The following WDR7 variants were observed in gnomAD, a reference collection of about 807,000 sequenced individuals.
WDR7 encodes WD repeat-containing protein 7.
A neutral mutation model predicts 169.4 loss-of-function variants in WDR7; 46 were observed. That is an observed-to-expected ratio of 0.27 (90% CI 0.21 to 0.35). The LOEUF is 0.35. Among genes scored for constraint, WDR7 ranks in the 10% least tolerant of loss-of-function variants. WDR7 has a pLI of 1.00. For missense variants in WDR7, 1,534 were observed against 1,859.3 expected (o/e 0.83, Z 3.22); for synonymous variants, 612 against 666.8 (o/e 0.92, Z 1.27).
chr18:56,985,096 A>G (rs2047695548), intron 26 of WDR7, among the ~76,000 whole-genome samples: 1 of 152,172 alleles, frequency 6.6e-6, no homozygotes, highest in South Asian at 2.1e-4. Flanking sequence ...ATTCAGCCTT[A>G]GAACACCACA....
intron 26 of WDR7, among the ~76,000 whole-genome samples, chr18:57,000,674 G>A (rs1300936842): frequency 6.6e-6 from 1 of 152,128 alleles, no homozygotes; most frequent in African/African-American, 2.4e-5. Context: ...CACACAGGAA[G>A]TGCATGATTG....
At chr18:56,923,493 G>A (rs748095654) in intron 21 of WDR7, among the ~76,000 whole-genome samples, 3 of 152,084 alleles carry the variant, frequency 2.0e-5, no homozygotes, top group East Asian at 1.9e-4. Flanking sequence ...ATTGCAACGC[G>A]CCTGTAATGA....
chr18:56,707,884 C>G (rs1345778698), intron 12 of WDR7, among the ~76,000 whole-genome samples: 7 of 152,144 alleles, frequency 4.6e-5, no homozygotes, highest in Non-Finnish European at 8.8e-5. Flanking sequence ...TGTTAATTTA[C>G]TGCCAGGAAA....
chr18:56,778,571 T>A (rs1195697489), intron 17 of WDR7, among the ~76,000 whole-genome samples: 3 of 152,198 alleles, frequency 2.0e-5, no homozygotes, highest in Non-Finnish European at 4.4e-5. Flanking sequence ...ATGTCTGTTA[T>A]CTAATACTTC....
chr18:56,675,069 C>T (rs1210926203), intron 2 of WDR7, among the ~76,000 whole-genome samples: 1 of 152,162 alleles, frequency 6.6e-6, no homozygotes, highest in Admixed American at 6.6e-5. Context: ...TGTCTATACT[C>T]GCTGTCCTAA....
intron 27 of WDR7, 123 bp downstream of exon 27, chr18:57,020,972 C>A: frequency 1.3e-6 from 1 of 796,626 alleles, no homozygotes; most frequent in Non-Finnish European, 2.1e-6. Context: ...TTGCAGCAAA[C>A]ATCCAGTCTG....
At chr18:56,727,321 A>G (rs2026480638) in intron 13 of WDR7, among the ~76,000 whole-genome samples, 1 of 151,726 alleles carries the variant, frequency 6.6e-6, no homozygotes, top group Admixed American at 6.5e-5. Flanking sequence ...ATATTTTTAA[A>G]AACAGGTTTA....
chr18:56,687,227 G>A (rs1244187201), intron 7 of WDR7, among the ~76,000 whole-genome samples: 2 of 152,084 alleles, frequency 1.3e-5, no homozygotes, highest in Non-Finnish European at 2.9e-5. Context: ...TTTTGCTACT[G>A]TTTTAGTCAC....
At chr18:56,840,068 A>T (rs1423331554) in intron 20 of WDR7, among the ~76,000 whole-genome samples, 1 of 152,098 alleles carries the variant, frequency 6.6e-6, no homozygotes, top group Non-Finnish European at 1.5e-5. Context: ...TCTCAAAAAC[A>T]AAACAAAACA....
chr18:56,669,608 G>A (rs1296714950), intron 1 of WDR7, among the ~76,000 whole-genome samples: 1 of 151,972 alleles, frequency 6.6e-6, no homozygotes, highest in East Asian at 1.9e-4. Context: ...AGATCTGAAA[G>A]ATAGCATATG....
chr18:56,757,968 CA>C lies in WDR7; in HGVS notation c.2759+629del, dbSNP rs11423337. 7.1e-3 allele frequency among the ~76,000 whole-genome samples: 982 copies of C among 139,274 alleles called. 1 individual carries two copies. The highest frequency in any genetic ancestry group is 9.7e-3 in the Non-Finnish European group (617 of 63,622). 91.4% of individuals were successfully genotyped at this position (139,274 alleles called of 152,430 possible). On this transcript the variant is annotated intron_variant, in intron 15 of 27. Coordinates refer to ENST00000254442, the MANE Select transcript of WDR7 (RefSeq NM_015285.3). Reference sequence around the variant, plus strand: ...TAAGCAACAGAGTAAGACTCTGTCTCAAAAAAAAAAAAATGTATATTTCATT... The same window carrying C: ...TAAGCAACAGAGTAAGACTCTGTCTCAAAAAAAAAAAATGTATATTTCATT...
intron 21 of WDR7, among the ~76,000 whole-genome samples, chr18:56,904,825 G>A (rs552683731): frequency 6.6e-6 from 1 of 152,176 alleles, no homozygotes; most frequent in East Asian, 1.9e-4. Flanking sequence ...TCTTTGTGGT[G>A]TGGTCATCTC....
At chr18:56,771,288 T>C (rs2044151526) in intron 16 of WDR7, among the ~76,000 whole-genome samples, 1 of 152,190 alleles carries the variant, frequency 6.6e-6, no homozygotes, top group African/African-American at 2.4e-5. Context: ...CTCTGTATGG[T>C]TTCTTGTAAC....
downstream of WDR7, chr18:57,031,358 T>C (rs1363309970): frequency 1.3e-5 from 2 of 152,224 alleles, no homozygotes; most frequent in Non-Finnish European, 2.9e-5. Context: ...TCTAGGAAGA[T>C]GGTAAACAAT....
chr18:57,019,175 G>C (rs2145934988), intron 26 of WDR7, among the ~76,000 whole-genome samples: 1 of 152,280 alleles, frequency 6.6e-6, no homozygotes, highest in Non-Finnish European at 1.5e-5. Context: ...GTGTACTCAA[G>C]TGATTGAGTT....
At chr18:56,660,074 A>AATGTGT (rs1331756487) in intron 1 of WDR7, among the ~76,000 whole-genome samples, 4 of 152,070 alleles carry the variant, frequency 2.6e-5, no homozygotes, top group African/African-American at 9.7e-5. Flanking sequence ...TGGGATGTGG[A>AATGTGT]ATGTGTATGT....
At chr18:56,669,914 ATAGAC>A in intron 1 of WDR7, among the ~76,000 whole-genome samples, 1 of 152,318 alleles carries the variant, frequency 6.6e-6, no homozygotes, top group African/African-American at 2.4e-5. Flanking sequence ...TAACTAATAC[ATAGAC>A]TGGTTGAATG....
chr18:56,954,378 G>A (rs1051751563), intron 25 of WDR7, among the ~76,000 whole-genome samples: 5 of 152,108 alleles, frequency 3.3e-5, no homozygotes, highest in Middle Eastern at 3.2e-3. Context: ...ATACCATACA[G>A]CCATTAAAAA....
intron 20 of WDR7, among the ~76,000 whole-genome samples, chr18:56,816,772 C>A (rs1015213064): frequency 2.0e-5 from 3 of 152,116 alleles, no homozygotes; most frequent in African/African-American, 7.2e-5. Context: ...AGCTCAATTT[C>A]TTTGAATGCA....
Sources: gnomAD v4.1 joint callset for allele counts (sites outside exome capture counted in the v4.1 genomes callset) on GRCh38, gnomAD v4.1.1 for gene constraint, MANE v1.5 for transcripts, NCBI Gene and HGNC (gene_info 2026-07-23, HGNC 2026-07-21) for gene names.